CSN1S1: variants seen among roughly 807,000 people sequenced by gnomAD.
CSN1S1 encodes casein alpha s1.
CSN1S1 carries 63 observed loss-of-function variants against 49.1 expected under a neutral mutation model. The ratio of observed to expected loss-of-function variants is 1.28; its 90% CI spans 1.05 to 1.58. The LOEUF (loss-of-function observed/expected upper bound fraction) is 1.58, where lower values mean the gene tolerates loss of function less well. Among genes scored for constraint, CSN1S1 ranks in the 40% most tolerant of loss-of-function variants. The pLI is 0.00. For missense variants in CSN1S1, 260 were observed against 224.7 expected (o/e 1.16, Z -1.01); for synonymous variants, 78 against 67.1 (o/e 1.16, Z -0.79).
At chr4:69,935,840 A>T in intron 4 of CSN1S1, 86 bp from the exon 5 acceptor site, 1 of 855,278 alleles carries the variant, frequency 1.2e-6, no homozygotes, top group Non-Finnish European at 1.9e-6. Flanking sequence ...AGAAGAACAT[A>T]ACGTTTTAAT....
chr4:69,945,007 A>G lies in CSN1S1; in HGVS notation c.557+3A>G, dbSNP rs1006389873. On this transcript the variant is annotated splice_donor_region_variant and intron_variant, in intron 15 of 15. Transcript: ENST00000246891. ...AATAACGTCATGCTACAGTGGTGGT[A>G]AGTTCATTTAAATTACTACATCTTG... 6.2e-7 allele frequency: 1 copy of G among 1,612,082 alleles called. No individual in the cohort carries two copies. The highest frequency in any genetic ancestry group is 1.3e-5 in the African/African-American group (1 of 74,804).
intron 4 of CSN1S1, among the ~76,000 whole-genome samples, chr4:69,935,567 T>C (rs1296205913): frequency 6.6e-6 from 1 of 152,038 alleles, no homozygotes; most frequent in East Asian, 1.9e-4. Flanking sequence ...GTTGTTGTTG[T>C]TTAACCTAAG....
At chr4:69,933,539 G>T (rs17146477) in intron 2 of CSN1S1, among the ~76,000 whole-genome samples, 2,610 of 152,014 alleles carry the variant, frequency 0.017, 65 homozygotes, top group African/African-American at 0.06. Flanking sequence ...ATCTCTGCTT[G>T]CAAGTTACCA....
Position 69,932,599 on chromosome 4 carries a change from C to G in CSN1S1, c.44C>G (p.Ala15Gly). The change falls in exon 2 of 16, where the codon GCC (alanine) becomes GGC (glycine). Residue 15 changes from alanine (A) to glycine (G), a missense_variant. Physicochemically the swap from Ala to Gly is moderately conservative, Grantham distance 60 (BLOSUM62 0). Transcript: ENST00000246891. ...ILTCLVAVAL[A>G]RPKLPLRYPE... The stretch of plus-strand genomic sequence containing the variant: ...ACCTGTCTTGTGGCTGTTGCTCTTG[C>G]CAGGCCTGTAAGTTCAGTAGAGAAT... 1.3e-6 allele frequency: 2 copies of G among 1,598,444 alleles called. No homozygotes were observed. Among genetic ancestry groups the G allele is most frequent in the Non-Finnish European group, 1.7e-6 (2 of 1,170,982 alleles).
In CSN1S1 at chr4:69,942,381, A is replaced by G. The variant is rs1723000221; in HGVS notation, c.361-155A>G. On this transcript the variant is annotated intron_variant, in intron 13 of 15. Coordinates refer to ENST00000246891, the MANE Select transcript of CSN1S1 (RefSeq NM_001890.2). ...AATTTTTTTCTGACATTAGAAAATA[A>G]AAAGTGTTTTGACATTTTTTGCTAA... 18 of 696,644 alleles carry G rather than the reference A, an allele frequency of 2.6e-5. No individual in the cohort carries two copies. In the East Asian group the frequency reaches 5.0e-4, roughly 19 times the overall value. 43.2% of individuals were successfully genotyped at this position (696,644 alleles called of 1,614,324 possible). A position where few individuals can be genotyped will look rare whatever the true frequency, so the allele number is the denominator to read the frequency against.
In CSN1S1 at chr4:69,934,215, C is replaced by G; in HGVS notation, c.55C>G (p.Leu19Val). Residue 19 changes from leucine (L) to valine (V), a missense_variant, in exon 3 of 16, where the codon CTT becomes GTT. By Grantham distance (32) the Leu-to-Val change is conservative. Coordinates refer to ENST00000246891, the MANE Select transcript of CSN1S1 (RefSeq NM_001890.2). ...ATTCTTGCATTGTTTTTCACAGAAA[C>G]TTCCTCTTAGATACCCAGAACGCCT... is the stretch of plus-strand genomic sequence containing the variant. Reference protein sequence around the residue: ...LVAVALARPKLPLRYPERLQN... With the variant: ...LVAVALARPKVPLRYPERLQN... 1 of 1,608,818 alleles carries G rather than the reference C, an allele frequency of 6.2e-7. No individual in the cohort carries two copies. Among genetic ancestry groups the G allele is most frequent in the Non-Finnish European group, 8.5e-7 (1 of 1,176,890 alleles).
At chr4:69,935,418 C>T (rs1001862993) in intron 4 of CSN1S1, among the ~76,000 whole-genome samples, 5 of 151,372 alleles carry the variant, frequency 3.3e-5, no homozygotes, top group Admixed American at 6.6e-5. Flanking sequence ...GATGTGGCGG[C>T]ATGCACTTGT....
intron 4 of CSN1S1, among the ~76,000 whole-genome samples, chr4:69,935,422 C>A (rs1239744475): frequency 1.3e-5 from 2 of 150,936 alleles, no homozygotes. Flanking sequence ...TGGCGGCATG[C>A]ACTTGTGGTT....
chr4:69,936,596 G>C lies in CSN1S1; in HGVS notation c.184G>C (p.Asp62His). The change falls in exon 7 of 16, where the codon GAT (aspartate) becomes CAT (histidine). Residue 62 changes from aspartate to histidine, a missense_variant. Asp to His is a moderately conservative substitution (Grantham distance 81). Transcript: ENST00000246891. ...QRNILREKQTDEIKDTRNEST... is the reference protein window; with the variant it reads ...QRNILREKQTHEIKDTRNEST... ...AAACATTCTGAGAGAAAAACAGACTGATGAAATCAAGGTACCAAAGTTTTT... is the reference window on the plus strand; with the variant it reads ...AAACATTCTGAGAGAAAAACAGACTCATGAAATCAAGGTACCAAAGTTTTT... 6.2e-7 allele frequency: 1 copy of C among 1,605,130 alleles called. No homozygotes were observed. The highest frequency in any genetic ancestry group is 1.3e-5 in the African/African-American group (1 of 74,738).
chr4:69,940,348 G>A lies in CSN1S1; in HGVS notation c.300+304G>A, dbSNP rs188947818. Reference sequence around the variant, plus strand: ...TTCCCCCTCTAAAAATAAAGCTAGCGACTTTTTTTATCCCAGTTATCTAAT... The same window carrying A: ...TTCCCCCTCTAAAAATAAAGCTAGCAACTTTTTTTATCCCAGTTATCTAAT... On this transcript the variant is annotated intron_variant, in intron 11 of 15. Transcript: ENST00000246891. Among the ~76,000 whole-genome samples, 21 of 151,696 alleles carry A rather than the reference G, an allele frequency of 1.4e-4. No homozygotes were observed. The East Asian group carries it at 3.3e-3, about 24-fold the overall frequency.
At position 69,946,314 on chromosome 4, in the gene CSN1S1, A is replaced by G. The variant is rs57480740; in HGVS notation, c.*118A>G. 9.3e-3 allele frequency: 3,477 copies of G among 374,674 alleles called. 108 individuals carry two copies. Among genetic ancestry groups the G allele is most frequent in the African/African-American group, 0.065 (3,123 of 48,074 alleles). The allele number at this position is 374,674 out of a possible 1,614,324, so 23.2% of individuals were successfully genotyped here. A position where few individuals can be genotyped will look rare whatever the true frequency, so the allele number is the denominator to read the frequency against. ...ATATTGAAGGAAATTGTTCTTTTTGAGTTATCTACTTAATAGCATATCATT... is the reference window on the plus strand; with the variant it reads ...ATATTGAAGGAAATTGTTCTTTTTGGGTTATCTACTTAATAGCATATCATT... On this transcript the variant is annotated 3_prime_UTR_variant, in exon 16 of 16. Transcript: ENST00000246891.
intron 4 of CSN1S1, among the ~76,000 whole-genome samples, chr4:69,935,295 T>C (rs1220433603): frequency 1.3e-5 from 2 of 151,854 alleles, no homozygotes; most frequent in Non-Finnish European, 2.9e-5. Context: ...TCCCAACACT[T>C]TGGGAGGCTG....
chr4:69,946,492 G>A lies in CSN1S1; in HGVS notation c.*296G>A, dbSNP rs1723171361. ...AAAAAGTCTTTGAATTGCCAGTTCT[G>A]TAAGTGCCATCAATTAAAATAGTTT... On this transcript the variant is annotated 3_prime_UTR_variant, in exon 16 of 16. Transcript: ENST00000246891. 5.5e-6 allele frequency: 1 copy of A among 183,068 alleles called. No homozygotes were observed. Among genetic ancestry groups the A allele is most frequent in the Non-Finnish European group, 1.1e-5 (1 of 88,752 alleles). 11.3% of individuals were successfully genotyped at this position (183,068 alleles called of 1,614,324 possible).
intron 1 of CSN1S1, among the ~76,000 whole-genome samples, chr4:69,931,509 A>G (rs537323331): frequency 6.6e-6 from 1 of 152,020 alleles, no homozygotes; most frequent in Non-Finnish European, 1.5e-5. Context: ...AGAATAGTTC[A>G]AGGCCATTTT....
chr4:69,937,737 C>T (rs565787266), intron 8 of CSN1S1, 63 bp from the exon 9 acceptor site: 301 of 1,258,280 alleles, frequency 2.4e-4, no homozygotes, highest in Non-Finnish European at 3.2e-4. Context: ...ATTTGGTAAT[C>T]ATTACTTTTG....
chr4:69,935,474 TG>T (rs1394339259), intron 4 of CSN1S1, among the ~76,000 whole-genome samples: 3 of 151,840 alleles, frequency 2.0e-5, no homozygotes, highest in African/African-American at 7.3e-5. Context: ...CACTTGAGCA[TG>T]GGCGGTTAAA....
chr4:69,945,042 C>A (rs756112431), intron 15 of CSN1S1, 38 bp downstream of exon 15: 2 of 1,599,806 alleles, frequency 1.3e-6, no homozygotes, highest in Non-Finnish European at 1.7e-6. Flanking sequence ...GATGTTCTAC[C>A]AAAGGAATGA....
At chr4:69,939,326 A>G in intron 10 of CSN1S1, 118 bp downstream of exon 10, 1 of 563,368 alleles carries the variant, frequency 1.8e-6, no homozygotes. Context: ...TATATGTGGC[A>G]CTATTCTAGT....
intron 9 of CSN1S1, 66 bp from the exon 10 acceptor site, chr4:69,939,110 G>A: frequency 8.6e-7 from 1 of 1,157,468 alleles, no homozygotes; most frequent in Non-Finnish European, 1.3e-6. Context: ...ATGATGACAT[G>A]GAACTAGTTT....
Sources: gnomAD v4.1 joint callset for allele counts (sites outside exome capture counted in the v4.1 genomes callset) on GRCh38, gnomAD v4.1.1 for gene constraint, MANE v1.5 for transcripts, NCBI Gene and HGNC (gene_info 2026-07-23, HGNC 2026-07-21) for gene names.